Variants in SLU7 observed in about 807,000 individuals in gnomAD.
The protein encoded by SLU7 is pre-mRNA-splicing factor SLU7.
A neutral mutation model predicts 87.0 loss-of-function variants in SLU7; 60 were observed. That is an observed-to-expected ratio of 0.69 (90% confidence interval 0.56 to 0.86). The LOEUF (loss-of-function observed/expected upper bound fraction) is 0.86, where lower values mean the gene tolerates loss of function less well. Among genes scored for constraint, SLU7 ranks in the 40% least tolerant of loss-of-function variants. SLU7 has a pLI of 0.00. For synonymous variants in SLU7, 197 were observed against 222.0 expected (o/e 0.89, Z 1.00); for missense variants, 507 against 686.6 (o/e 0.74, Z 2.92).
At chr5:160,414,986 C>T (rs1765391343) in intron 2 of SLU7, 139 bp downstream of exon 2, 3 of 653,744 alleles carry the variant, frequency 4.6e-6, no homozygotes, top group African/African-American at 1.8e-5. Context: ...AAACCATATG[C>T]ATATGAGTTT....
Position 160,412,487 on chromosome 5 carries a change from T to C in SLU7, c.603A>G (p.Gln201=). The change falls in exon 6 of 16, where the codon CAA becomes CAG. Residue 201 remains glutamine (Q), a synonymous_variant. Coordinates refer to ENST00000297151, the MANE Select transcript of SLU7 (RefSeq NM_006425.5). ...AKRTLKAQKL[Q]EELASGKLVE... ...CTAATTTTCCTGAGGCTAATTCCTC[T>C]TGGAGTTTCTGGGCTTTCAATGTTC... The C allele has an allele frequency of 6.4e-7, 1 of 1,558,530 alleles. No individual in the cohort carries two copies.
rs900435382 is a variant in SLU7 at position 160,414,539 on chromosome 5, C to G, written c.171-67G>C. ...TGGAAAATAATCAGTATTACAATTA[C>G]AAAGGTAGCTTATACAAAATCTAAG... is the stretch of plus-strand genomic sequence containing the variant. On this transcript the variant is annotated intron_variant, in intron 2 of 15. Coordinates refer to ENST00000297151, the MANE Select transcript of SLU7 (RefSeq NM_006425.5). The G allele has an allele frequency of 1.3e-5, 14 of 1,043,914 alleles. No homozygotes were observed. The East Asian group carries it at 3.8e-4, about 28-fold the overall frequency. The allele number at this position is 1,043,914 out of a possible 1,614,324, so 64.7% of individuals were successfully genotyped here. A position where few individuals can be genotyped will look rare whatever the true frequency, so the allele number is the denominator to read the frequency against.
At chr5:160,404,026 T>C (rs1405040015) in intron 15 of SLU7, among the ~76,000 whole-genome samples, 2 of 152,186 alleles carry the variant, frequency 1.3e-5, no homozygotes, top group African/African-American at 4.8e-5. Context: ...AAAAATGCAT[T>C]TGGAGACAGG....
At chr5:160,413,832 A>G in intron 4 of SLU7, 67 bp downstream of exon 4, 1 of 1,185,154 alleles carries the variant, frequency 8.4e-7, no homozygotes, top group Non-Finnish European at 1.2e-6. Flanking sequence ...AAGAGAAGTT[A>G]GCTCTCTGAC....
chr5:160,407,142 C>T lies in SLU7; in HGVS notation c.1125+334G>A, dbSNP rs1008658638. Among the ~76,000 whole-genome samples the T allele has an allele frequency of 1.3e-5, 2 of 152,200 alleles. No individual in the cohort carries two copies. The highest frequency in any genetic ancestry group is 1.9e-4 in the East Asian group (1 of 5,200). ...AGATGAGCTGTCCCAGAAGAGGTCC[C>T]CTTAGGACAATTAGCCTGTTAACTG... On this transcript the variant is annotated intron_variant, in intron 11 of 15. Coordinates refer to ENST00000297151, the MANE Select transcript of SLU7 (RefSeq NM_006425.5). The surrounding 1 kb of genome is among the most constrained non-coding windows in gnomAD (Gnocchi z 4.2).
In SLU7 at chr5:160,406,497, C is replaced by A; in HGVS notation, c.1258G>T (p.Glu420Ter). 6.2e-7 allele frequency: 1 copy of A among 1,612,406 alleles called. No homozygotes were observed. Among genetic ancestry groups the A allele is most frequent in the Non-Finnish European group, 8.5e-7 (1 of 1,179,486 alleles). The change falls in exon 12 of 16, where the codon GAG (glutamate) becomes TAG (stop). Residue 420 changes from glutamate (E) to a stop codon, truncating the protein, a stop_gained. Coordinates refer to ENST00000297151, the MANE Select transcript of SLU7 (RefSeq NM_006425.5). LOFTEE classifies it high-confidence loss of function. ...QERAVACSKY[E>*]EDVKIHNHTH... ...TGATTGTGGATCTTCACATCCTCCTCATACTTAGAGCAGGCAACAGCCCGC... is the reference window on the plus strand; with the variant it reads ...TGATTGTGGATCTTCACATCCTCCTAATACTTAGAGCAGGCAACAGCCCGC...
chr5:160,412,359 A>T, intron 6 of SLU7, 92 bp downstream of exon 6: 1 of 787,264 alleles, frequency 1.3e-6, no homozygotes, highest in Non-Finnish European at 2.2e-6. Flanking sequence ...TCTCTTCCTA[A>T]CTGAAGAGCT....
intron 4 of SLU7, 47 bp downstream of exon 4, chr5:160,413,852 A>G: frequency 7.5e-7 from 1 of 1,330,904 alleles, no homozygotes; most frequent in Non-Finnish European, 1.1e-6. Context: ...CAAAGAAAAA[A>G]GAAAGACTCT....
chr5:160,413,517 C>A lies in SLU7; in HGVS notation c.509G>T (p.Trp170Leu), dbSNP rs1255737117. Residue 170 changes from tryptophan (W) to leucine (L), a missense_variant, in exon 5 of 16, where the codon TGG (tryptophan) becomes TTG (leucine). Coordinates refer to ENST00000297151, the MANE Select transcript of SLU7 (RefSeq NM_006425.5). Reference protein sequence around the residue: ...MFDYDGKRDRWNGYNPEEHMK... With the variant: ...MFDYDGKRDRLNGYNPEEHMK... ...GTGTTCTTCTGGATTGTAGCCATTC[C>A]ACCGATCCCTCTTCCCATCATAGTC... 1 of 1,613,840 alleles carries A rather than the reference C, an allele frequency of 6.2e-7. No individual in the cohort carries two copies. The highest frequency in any genetic ancestry group is 8.5e-7 in the Non-Finnish European group (1 of 1,179,924).
At position 160,404,491 on chromosome 5, in the gene SLU7, C is replaced by T; in HGVS notation, c.1530G>A (p.Lys510=). The T allele has an allele frequency of 6.2e-7, 1 of 1,612,322 alleles. No homozygotes were observed. Among genetic ancestry groups the T allele is most frequent in the Non-Finnish European group, 8.5e-7 (1 of 1,179,204 alleles). The change falls in exon 15 of 16, where the codon AAG becomes AAA. Residue 510 remains lysine, a synonymous_variant. Coordinates refer to ENST00000297151, the MANE Select transcript of SLU7 (RefSeq NM_006425.5). ...KKKKKKKKHR[K]SSSDSDDEEK... is the part of the protein sequence containing the mutation. ...CTTCATCATCACTATCTGAACTGCT[C>T]TTTCGATGCTTCTTCTTTTTCTTTT...
rs767694580 is a variant in SLU7, at chr5:160,402,501, A to G, written c.*784T>C. 5.9e-5 allele frequency: 9 copies of G among 152,358 alleles called. No homozygotes were observed. In the Middle Eastern group the frequency reaches 0.01, roughly 173 times the overall value. 9.4% of individuals were successfully genotyped at this position (152,358 alleles called of 1,614,324 possible). ...CACTGCTCTCTAGCCTGGGCAACAT[A>G]GCAAGATCCTGTCTCTAAAAAAAAT... On this transcript the variant is annotated 3_prime_UTR_variant, in exon 16 of 16. Transcript: ENST00000297151.
At chr5:160,406,669 C>G (rs1161603125) in intron 11 of SLU7, 40 bp from the exon 12 acceptor site, 1 of 1,403,250 alleles carries the variant, frequency 7.1e-7, no homozygotes, top group African/African-American at 1.5e-5. Flanking sequence ...ATTTTACAAC[C>G]TGATTTGCAT....
At chr5:160,404,338 C>G in intron 15 of SLU7, 102 bp downstream of exon 15, 1 of 731,456 alleles carries the variant, frequency 1.4e-6, no homozygotes, top group South Asian at 1.7e-5. Context: ...GCACTCCAGC[C>G]TGGACAACAG....
chr5:160,402,175 A>G lies in SLU7; in HGVS notation c.*1110T>C, dbSNP rs1208505854. ...AAAGTAACAGCTGCTGGCTATAAAT[A>G]TTAGGATATTCTACAATTTAAAAAA... On this transcript the variant is annotated 3_prime_UTR_variant, in exon 16 of 16. Coordinates refer to ENST00000297151, the MANE Select transcript of SLU7 (RefSeq NM_006425.5). The G allele has an allele frequency of 3.9e-5, 6 of 152,222 alleles. No individual in the cohort carries two copies. The highest frequency in any genetic ancestry group is 1.4e-4 in the African/African-American group (6 of 41,450). 9.4% of individuals were successfully genotyped at this position (152,222 alleles called of 1,614,324 possible).
At chr5:160,411,394 T>A (rs1765229591) in intron 6 of SLU7, among the ~76,000 whole-genome samples, 1 of 151,978 alleles carries the variant, frequency 6.6e-6, no homozygotes, top group Non-Finnish European at 1.5e-5. Context: ...AATTTTTGTA[T>A]TTTTAGTAAA....
intron 6 of SLU7, 73 bp downstream of exon 6, chr5:160,412,378 A>T: frequency 2.1e-6 from 2 of 938,344 alleles, no homozygotes; most frequent in Non-Finnish European, 3.4e-6. Flanking sequence ...CTATAAAATG[A>T]ATTCTTGTTT....
chr5:160,412,185 T>C (rs915198368), intron 6 of SLU7, among the ~76,000 whole-genome samples: 5 of 152,252 alleles, frequency 3.3e-5, no homozygotes, highest in Admixed American at 6.5e-5. Context: ...CTCTAGAAAA[T>C]TCTTTAGGAT....
rs1764796411 is a variant in SLU7, at chr5:160,401,863, C to G, written c.*1422G>C. 2 of 152,216 alleles carry G rather than the reference C, an allele frequency of 1.3e-5. No homozygotes were observed. Among genetic ancestry groups the G allele is most frequent in the African/African-American group, 2.4e-5 (1 of 41,454 alleles). The allele number at this position is 152,216 out of a possible 1,614,324, so 9.4% of individuals were successfully genotyped here. Reference sequence around the variant, plus strand: ...ATCCAAAGTACTTGACAATTTGACTCAGTTACTCACACCACTGTTTCTGAG... The same window carrying G: ...ATCCAAAGTACTTGACAATTTGACTGAGTTACTCACACCACTGTTTCTGAG... On this transcript the variant is annotated 3_prime_UTR_variant, in exon 16 of 16. Transcript: ENST00000297151.
intron 2 of SLU7, 88 bp from the exon 3 acceptor site, chr5:160,414,560 C>A: frequency 1.2e-6 from 1 of 828,610 alleles, no homozygotes; most frequent in South Asian, 2.5e-5. Flanking sequence ...TATACAAAAT[C>A]TAAGAACAGA....
Sources: allele counts gnomAD v4.1 joint callset (sites outside exome capture counted in the v4.1 genomes callset), GRCh38; gene constraint gnomAD v4.1.1; non-coding constraint Gnocchi (gnomAD v3.1); transcripts MANE v1.5; gene names NCBI Gene and HGNC (gene_info 2026-07-23, HGNC 2026-07-21).